Variants in ZNRF2 observed in about 807,000 individuals in gnomAD.
ZNRF2 encodes the protein E3 ubiquitin-protein ligase ZNRF2.
Under a neutral mutation model 20.4 loss-of-function variants are expected in ZNRF2, and 16 were observed. That is an observed-to-expected ratio of 0.79 (90% confidence interval 0.53 to 1.19). ZNRF2 has a LOEUF of 1.19. ZNRF2 is among the 50% of genes most tolerant of loss of function. The pLI is 0.00. For missense variants in ZNRF2, 363 were observed against 332.4 expected, an observed-to-expected ratio of 1.09 and a Z score of -0.72; for synonymous variants, 178 against 144.9, an observed-to-expected ratio of 1.23 and a Z score of -1.64.
chr7:30,331,984 A>T (rs577740065), intron 2 of ZNRF2, among the ~76,000 whole-genome samples: 1 of 152,206 alleles, frequency 6.6e-6, no homozygotes, highest in African/African-American at 2.4e-5. Flanking sequence ...AGCCCATTTT[A>T]TAAGGCACTA....
chr7:30,352,469 CAT>C (rs1470145915), intron 2 of ZNRF2, among the ~76,000 whole-genome samples: 1 of 151,998 alleles, frequency 6.6e-6, no homozygotes, highest in Non-Finnish European at 1.5e-5. Flanking sequence ...TAAATTAATG[CAT>C]AGATTACATG....
chr7:30,359,447 T>C (rs1212243872), intron 3 of ZNRF2, among the ~76,000 whole-genome samples: 2 of 152,208 alleles, frequency 1.3e-5, no homozygotes, highest in Non-Finnish European at 2.9e-5. Flanking sequence ...ACTCATTGCA[T>C]TTGGTAAATG....
chr7:30,356,699 A>ATTT (rs139265962), intron 3 of ZNRF2, among the ~76,000 whole-genome samples: 2 of 73,222 alleles, frequency 2.7e-5, no homozygotes, highest in East Asian at 4.0e-4. Flanking sequence ...ATAACATTGT[A>ATTT]TTTTTTTTTT....
At chr7:30,362,903 G>A (rs960945266) in intron 4 of ZNRF2, among the ~76,000 whole-genome samples, 1 of 152,162 alleles carries the variant, frequency 6.6e-6, no homozygotes, top group South Asian at 2.1e-4. Flanking sequence ...GGGTCACGAG[G>A]TCAGGAGATT....
intron 1 of ZNRF2, among the ~76,000 whole-genome samples, chr7:30,312,505 G>A (rs1032712820): frequency 3.3e-5 from 5 of 152,030 alleles, no homozygotes; most frequent in African/African-American, 1.2e-4. Context: ...TGTGAAGACA[G>A]AAAAAAACCA....
intron 2 of ZNRF2, among the ~76,000 whole-genome samples, chr7:30,352,563 CT>C (rs1799975842): frequency 6.6e-6 from 1 of 152,018 alleles, no homozygotes; most frequent in African/African-American, 2.4e-5. Context: ...AGCAATAACA[CT>C]TTTTAAAAAG....
intron 2 of ZNRF2, among the ~76,000 whole-genome samples, chr7:30,336,622 CT>C (rs1799719757): frequency 6.6e-6 from 1 of 151,950 alleles, no homozygotes; most frequent in Non-Finnish European, 1.5e-5. Context: ...TAATTTTTAA[CT>C]TTTTCTTTGA....
intron 2 of ZNRF2, among the ~76,000 whole-genome samples, chr7:30,326,216 A>G (rs1291162534): frequency 2.0e-5 from 3 of 152,202 alleles, no homozygotes; most frequent in Middle Eastern, 3.4e-3. Context: ...GGTTTGTTCT[A>G]CAGATATTTT....
intron 2 of ZNRF2, 36 bp from the exon 3 acceptor site, chr7:30,355,692 A>C: frequency 6.5e-7 from 1 of 1,539,524 alleles, no homozygotes; most frequent in Non-Finnish European, 8.9e-7. Context: ...TTGATGGATA[A>C]TTTTATTGTC....
At chr7:30,355,894 T>G in intron 3 of ZNRF2, 61 bp downstream of exon 3, 1 of 1,300,506 alleles carries the variant, frequency 7.7e-7, no homozygotes, top group Non-Finnish European at 1.1e-6. Context: ...GACATTGTAA[T>G]TAGGGCTGAA....
rs535899189 is a variant in ZNRF2, at chr7:30,362,063, AAAG to A, written c.672-311_672-309del. On this transcript the variant is annotated intron_variant, in intron 3 of 4. Coordinates refer to ENST00000323037, the MANE Select transcript of ZNRF2 (RefSeq NM_147128.4). ...GTGCATAAATGAATAACTGTTTTGA[AAAG>A]AAAAATTATGCAAATTTGTTATTCA... 1.4e-4 allele frequency among the ~76,000 whole-genome samples: 21 copies of A among 152,340 alleles called. No homozygotes were observed. In the East Asian group the frequency reaches 4.1e-3, roughly 29 times the overall value.
At chr7:30,294,464 C>T (rs1172455573) in intron 1 of ZNRF2, among the ~76,000 whole-genome samples, 8 of 152,106 alleles carry the variant, frequency 5.3e-5, no homozygotes, top group South Asian at 2.1e-4. Flanking sequence ...AGTACCCTTT[C>T]GTTACTTCTA....
intron 2 of ZNRF2, among the ~76,000 whole-genome samples, chr7:30,354,617 CT>C (rs1221796591): frequency 6.6e-6 from 1 of 152,150 alleles, no homozygotes. Context: ...AAATACTTAA[CT>C]TTAGAAAATG....
chr7:30,304,319 C>T (rs1234665349), intron 1 of ZNRF2, among the ~76,000 whole-genome samples: 1 of 152,200 alleles, frequency 6.6e-6, no homozygotes, highest in Non-Finnish European at 1.5e-5. Context: ...CCAGGACTAG[C>T]ATTCCCTATT....
chr7:30,360,212 A>G (rs1227236141), intron 3 of ZNRF2, among the ~76,000 whole-genome samples: 1 of 152,212 alleles, frequency 6.6e-6, no homozygotes, highest in East Asian at 1.9e-4. Flanking sequence ...TGCTTCTTTC[A>G]TTGAGAAAGC....
intron 1 of ZNRF2, among the ~76,000 whole-genome samples, chr7:30,299,400 CAA>C (rs978521441): frequency 2.2e-5 from 3 of 134,038 alleles, no homozygotes; most frequent in African/African-American, 5.7e-5. Flanking sequence ...GCCTGGGCAA[CAA>C]GGGCGAAACT....
At chr7:30,308,381 T>G (rs954864797) in intron 1 of ZNRF2, among the ~76,000 whole-genome samples, 1 of 152,212 alleles carries the variant, frequency 6.6e-6, no homozygotes, top group Non-Finnish European at 1.5e-5. Flanking sequence ...TAATATGTAT[T>G]CTGGTGCATA....
intron 3 of ZNRF2, among the ~76,000 whole-genome samples, chr7:30,360,260 AT>A (rs60267437): frequency 0.01 from 1,568 of 152,298 alleles, 27 homozygotes; most frequent in African/African-American, 0.035. Flanking sequence ...AAACAGTGTG[AT>A]TAGTGAGGAA....
chr7:30,303,633 G>T (rs530788675), intron 1 of ZNRF2, among the ~76,000 whole-genome samples: 14 of 152,198 alleles, frequency 9.2e-5, no homozygotes, highest in Non-Finnish European at 1.9e-4. Flanking sequence ...GTATCTTTAA[G>T]AGTAGGATAT....
Sources: allele counts gnomAD v4.1 joint callset (sites outside exome capture counted in the v4.1 genomes callset), GRCh38; gene constraint gnomAD v4.1.1; transcripts MANE v1.5; gene names NCBI Gene and HGNC (gene_info 2026-07-23, HGNC 2026-07-21).